GPC5: variants seen among roughly 807,000 people sequenced by gnomAD.
GPC5 encodes glypican 5, also known as glypican-5.
Under a neutral mutation model 53.9 loss-of-function variants are expected in GPC5, and 47 were observed. The ratio of observed to expected loss-of-function variants is 0.87; its 90% confidence interval spans 0.69 to 1.11. GPC5 has a LOEUF of 1.11. Among genes scored for constraint, GPC5 ranks in the 50% most tolerant of loss-of-function variants. GPC5 has a pLI of 0.00. For missense variants in GPC5, 748 were observed against 713.1 expected (o/e 1.05, Z -0.56); for synonymous variants, 286 against 263.3 (o/e 1.09, Z -0.84).
intron 7 of GPC5, among the ~76,000 whole-genome samples, chr13:92,162,539 T>A (rs2041997487): frequency 6.6e-6 from 1 of 152,146 alleles, no homozygotes; most frequent in Admixed American, 6.6e-5. Context: ...GAAGAAGCAG[T>A]TATTAATAGG....
intron 6 of GPC5, among the ~76,000 whole-genome samples, chr13:92,137,315 T>C (rs1406946094): frequency 6.6e-6 from 1 of 152,232 alleles, no homozygotes; most frequent in Non-Finnish European, 1.5e-5. Flanking sequence ...GGTGTAGTGA[T>C]TGACTTTGTA....
chr13:92,655,428 C>T (rs1261130017), intron 7 of GPC5, among the ~76,000 whole-genome samples: 3 of 151,948 alleles, frequency 2.0e-5, no homozygotes, highest in African/African-American at 4.8e-5. Flanking sequence ...TCCGCTTCCT[C>T]GGTTCAAGCG....
At chr13:92,257,842 G>A (rs1245480253) in intron 7 of GPC5, among the ~76,000 whole-genome samples, 7 of 152,052 alleles carry the variant, frequency 4.6e-5, no homozygotes, top group South Asian at 2.1e-4. Flanking sequence ...GAGCCACCAC[G>A]CCTGGCCTAC....
intron 7 of GPC5, among the ~76,000 whole-genome samples, chr13:92,574,772 C>T (rs574287140): frequency 1.0e-3 from 158 of 152,240 alleles, no homozygotes; most frequent in Non-Finnish European, 1.6e-3. Context: ...CCTAAAATGC[C>T]AGAGAATCAT....
chr13:91,692,621 T>C (rs1208106976), intron 2 of GPC5, among the ~76,000 whole-genome samples: 3 of 152,140 alleles, frequency 2.0e-5, no homozygotes, highest in African/African-American at 7.2e-5. Context: ...GAAACTACCA[T>C]ACATGTAACT....
chr13:91,921,190 G>A (rs372728101), intron 6 of GPC5, among the ~76,000 whole-genome samples: 9 of 151,838 alleles, frequency 5.9e-5, no homozygotes, highest in African/African-American at 2.2e-4. Flanking sequence ...ATCTGCCTCG[G>A]CCTCCCAGAG....
intron 2 of GPC5, among the ~76,000 whole-genome samples, chr13:91,636,398 A>T (rs1005791388): frequency 6.7e-6 from 1 of 149,796 alleles, no homozygotes; most frequent in Non-Finnish European, 1.5e-5. Flanking sequence ...TACATACATT[A>T]TGTGTGTGTG....
intron 7 of GPC5, among the ~76,000 whole-genome samples, chr13:92,514,720 G>A (rs1421318339): frequency 6.6e-6 from 1 of 152,116 alleles, no homozygotes; most frequent in African/African-American, 2.4e-5. Context: ...GTGAGGGGCG[G>A]AATTTCTAAA....
At chr13:92,507,588 A>T (rs1192198787) in intron 7 of GPC5, among the ~76,000 whole-genome samples, 7 of 152,224 alleles carry the variant, frequency 4.6e-5, no homozygotes, top group Non-Finnish European at 7.3e-5. Context: ...GAATAAACTC[A>T]CACCCACTCT....
chr13:91,659,749 C>A (rs1464875316), intron 2 of GPC5, among the ~76,000 whole-genome samples: 2 of 152,130 alleles, frequency 1.3e-5, no homozygotes, highest in Non-Finnish European at 2.9e-5. Flanking sequence ...ACCTGTCCCC[C>A]ACCGCCTCCA....
chr13:91,988,194 A>T (rs1383296834), intron 6 of GPC5, among the ~76,000 whole-genome samples: 2 of 151,930 alleles, frequency 1.3e-5, no homozygotes, highest in Non-Finnish European at 2.9e-5. Flanking sequence ...AAGATCAAAC[A>T]TTGCTTTTTC....
intron 7 of GPC5, among the ~76,000 whole-genome samples, chr13:92,565,515 T>G (rs1882835764): frequency 6.6e-6 from 1 of 152,078 alleles, no homozygotes; most frequent in African/African-American, 2.4e-5. Flanking sequence ...TACAAAGTGT[T>G]GTGAGCAAGG....
intron 7 of GPC5, among the ~76,000 whole-genome samples, chr13:92,250,096 T>C (rs2042681723): frequency 6.6e-6 from 1 of 152,096 alleles, no homozygotes; most frequent in South Asian, 2.1e-4. Flanking sequence ...AGTAATCAGA[T>C]TATGAATTGT....
At chr13:92,279,205 G>A (rs2042896371) in intron 7 of GPC5, among the ~76,000 whole-genome samples, 1 of 151,952 alleles carries the variant, frequency 6.6e-6, no homozygotes, top group Non-Finnish European at 1.5e-5. Context: ...TTTCAGTAAT[G>A]TTTTGTAATT....
At chr13:92,437,860 C>T (rs1182467247) in intron 7 of GPC5, among the ~76,000 whole-genome samples, 1 of 152,084 alleles carries the variant, frequency 6.6e-6, no homozygotes, top group Non-Finnish European at 1.5e-5. Context: ...CCTTCTCCTG[C>T]TGTAAATCTC....
At chr13:92,859,844 T>C (rs1305865127) in intron 7 of GPC5, among the ~76,000 whole-genome samples, 1 of 152,128 alleles carries the variant, frequency 6.6e-6, no homozygotes, top group African/African-American at 2.4e-5. Flanking sequence ...TTTGCTAAAT[T>C]CTTCAAAAAT....
At chr13:92,206,157 T>TTTTTG in intron 7 of GPC5, among the ~76,000 whole-genome samples, 2 of 58,860 alleles carry the variant, frequency 3.4e-5, no homozygotes, top group African/African-American at 2.0e-4. Context: ...TTTTTTTTAT[T>TTTTTG]TTTTTTTTTA....
intron 3 of GPC5, among the ~76,000 whole-genome samples, chr13:91,726,991 T>C (rs1037828512): frequency 3.9e-5 from 6 of 152,176 alleles, no homozygotes; most frequent in Non-Finnish European, 1.5e-5. Flanking sequence ...GCTACACCCA[T>C]TTCTCACACC....
chr13:92,133,925 C>A (rs1183144164), intron 6 of GPC5, among the ~76,000 whole-genome samples: 2 of 152,072 alleles, frequency 1.3e-5, no homozygotes, highest in African/African-American at 4.8e-5. Context: ...CTGACTGAGC[C>A]AGGTGAGGCA....
Sources: allele counts gnomAD v4.1 joint callset (sites outside exome capture counted in the v4.1 genomes callset), GRCh38; gene constraint gnomAD v4.1.1; transcripts MANE v1.5; gene names NCBI Gene and HGNC (gene_info 2026-07-23, HGNC 2026-07-21).